Variants in TRPM2 observed in about 807,000 individuals in gnomAD.
TRPM2 encodes the protein transient receptor potential cation channel subfamily M member 2, also known as estrogen-responsive element-associated gene 1 protein.
Under a neutral mutation model 174.0 loss-of-function variants are expected in TRPM2, and 161 were observed. The observed-to-expected ratio is 0.93, with a 90% CI of 0.81 to 1.05. TRPM2 has a LOEUF of 1.05. Among genes scored for constraint, TRPM2 ranks in the 50% least tolerant of loss-of-function variants. The probability of loss-of-function intolerance (pLI) is 0.00; values close to 1 mark genes in which losing one functional copy is unlikely to be tolerated. For missense variants in TRPM2, 2,057 were observed against 2,038.0 expected (o/e 1.01, Z -0.18); for synonymous variants, 954 against 861.3 (o/e 1.11, Z -1.88).
intron 9 of TRPM2, among the ~76,000 whole-genome samples, chr21:44,387,613 C>A (rs534920001): frequency 1.3e-5 from 2 of 152,080 alleles, no homozygotes; most frequent in South Asian, 4.2e-4. Context: ...AAAAGGCAAC[C>A]CATGGAATGG....
intron 20 of TRPM2, among the ~76,000 whole-genome samples, chr21:44,414,345 C>G (rs2050207685): frequency 6.6e-6 from 1 of 152,250 alleles, no homozygotes; most frequent in African/African-American, 2.4e-5. Flanking sequence ...CACAAGGGCC[C>G]TGCTCACGGT....
At chr21:44,378,855 GA>G in intron 7 of TRPM2, 141 bp from the exon 8 acceptor site, 2 of 916,206 alleles carry the variant, frequency 2.2e-6, no homozygotes, top group South Asian at 3.3e-5. Flanking sequence ...GGGACGCCAC[GA>G]AACTAATAAG....
rs372711130 is a variant in TRPM2 at position 44,424,884 on chromosome 21, C to T, written c.3582C>T (p.Ile1194=). The change falls in exon 24 of 32, where the codon ATC becomes ATT. Residue 1194 remains isoleucine (I), a synonymous_variant. Coordinates refer to ENST00000397928, the MANE Select transcript of TRPM2 (RefSeq NM_003307.4). ...AGACAGCCCAAGCCCTGCACTGGAT[C>T]GTGAGGACGCTGCGGGCCAGCGGCT... The part of the protein sequence containing the change: ...VAQTAQALHW[I]VRTLRASGFS... 1.9e-5 allele frequency: 30 copies of T among 1,607,942 alleles called. No homozygotes were observed. The African/African-American group carries it at 2.1e-4, about 11-fold the overall frequency.
chr21:44,381,310 G>A (rs546984304), intron 8 of TRPM2, among the ~76,000 whole-genome samples: 27 of 152,072 alleles, frequency 1.8e-4, no homozygotes, highest in African/African-American at 6.0e-4. Flanking sequence ...GGAGTTGCTC[G>A]CCCTGGACAC....
At chr21:44,430,197 G>A (rs1317231673) in intron 27 of TRPM2, among the ~76,000 whole-genome samples, 1 of 152,126 alleles carries the variant, frequency 6.6e-6, no homozygotes, top group South Asian at 2.1e-4. Flanking sequence ...GTTCAAAAGT[G>A]GAATTTGCCT....
At chr21:44,364,395 G>A (rs750067407) in intron 3 of TRPM2, 113 bp downstream of exon 3, 33 of 1,306,624 alleles carry the variant, frequency 2.5e-5, no homozygotes, top group South Asian at 4.0e-5. Context: ...AAAGCTCCAG[G>A]GTGCATAGAG....
intron 12 of TRPM2, among the ~76,000 whole-genome samples, chr21:44,396,344 C>A (rs1391797041): frequency 2.7e-4 from 1 of 3,638 alleles, no homozygotes; most frequent in East Asian, 5.4e-3. Flanking sequence ...GTGTGGAGGG[C>A]TGTGGAGGGA....
rs535911813 is a variant in TRPM2 at position 44,367,386 on chromosome 21, A to G, written c.604+452A>G. ...GTTCCCAGTCATCAAGCTTTCCATT[A>G]TCGTGTTTTTCCATCAAAATCAGGG... is the stretch of plus-strand genomic sequence containing the variant. On this transcript the variant is annotated intron_variant, in intron 4 of 31. Transcript: ENST00000397928. The surrounding 1 kb of genome is among the most constrained non-coding windows in gnomAD (Gnocchi z 4.6). 2.8e-4 allele frequency among the ~76,000 whole-genome samples: 43 copies of G among 152,160 alleles called. No individual in the cohort carries two copies. Among genetic ancestry groups the G allele is most frequent in the Non-Finnish European group, 5.4e-4 (37 of 68,024 alleles).
chr21:44,417,745 GCT>G, intron 20 of TRPM2, among the ~76,000 whole-genome samples, 180 bp from the exon 21 acceptor site: 1 of 144,974 alleles, frequency 6.9e-6, no homozygotes, highest in African/African-American at 2.6e-5. Context: ...CGTGGGCGTG[GCT>G]CTGCTCTCTG....
At chr21:44,420,721 C>T (rs118108353) in intron 22 of TRPM2, among the ~76,000 whole-genome samples, 1,729 of 152,330 alleles carry the variant, frequency 0.011, 18 homozygotes, top group Middle Eastern at 0.055. Flanking sequence ...AAGGCGGCCT[C>T]CGCATGTCAG....
intron 22 of TRPM2, among the ~76,000 whole-genome samples, chr21:44,420,650 T>C (rs1601221180): frequency 6.6e-6 from 1 of 152,242 alleles, no homozygotes; most frequent in South Asian, 2.1e-4. Flanking sequence ...GTCTGGGACT[T>C]TGAGCAGTGG....
intron 2 of TRPM2, among the ~76,000 whole-genome samples, chr21:44,355,323 C>T (rs2048027680): frequency 2.6e-5 from 4 of 152,228 alleles, no homozygotes; most frequent in South Asian, 2.1e-4. Flanking sequence ...TGGTGCTCCC[C>T]GCAGTTGGCG....
rs560996789 is a variant in TRPM2, at chr21:44,366,482, G to A, written c.424-272G>A. ...AAATCGAGAGGAAGAGGAAAAAGTG[G>A]GTGCCGTGGGGGCACGAGGGCTGGG... On this transcript the variant is annotated intron_variant, in intron 3 of 31. Coordinates refer to ENST00000397928, the MANE Select transcript of TRPM2 (RefSeq NM_003307.4). The surrounding 1 kb of genome is among the most constrained non-coding windows in gnomAD (Gnocchi z 6.0). Among the ~76,000 whole-genome samples, 13 of 152,212 alleles carry A rather than the reference G, an allele frequency of 8.5e-5. No homozygotes were observed. The highest frequency in any genetic ancestry group is 3.1e-4 in the African/African-American group (13 of 41,544).
At chr21:44,374,557 C>T (rs111437318) in intron 5 of TRPM2, among the ~76,000 whole-genome samples, 9 of 152,262 alleles carry the variant, frequency 5.9e-5, no homozygotes, top group African/African-American at 1.7e-4. Flanking sequence ...TGCAGCTAGA[C>T]GGTCCCATCA....
rs200356130 is a variant in TRPM2 at position 44,405,883 on chromosome 21, T to C, written c.2658-22T>C. The C allele has an allele frequency of 4.4e-5, 70 of 1,596,574 alleles. No individual in the cohort carries two copies. The African/African-American group carries it at 5.3e-4, about 12-fold the overall frequency. On this transcript the variant is annotated intron_variant, in intron 17 of 31. Transcript: ENST00000397928. Reference sequence around the variant, plus strand: ...GCTGTGAGCAGGTGGCTGAGATGTGTGTGCTTCTGCCCGGCGGCCAGGCTC... The same window carrying C: ...GCTGTGAGCAGGTGGCTGAGATGTGCGTGCTTCTGCCCGGCGGCCAGGCTC...
At chr21:44,397,556 C>G (rs2049468131) in intron 12 of TRPM2, among the ~76,000 whole-genome samples, 191 bp from the exon 13 acceptor site, 1 of 151,964 alleles carries the variant, frequency 6.6e-6, no homozygotes, top group Non-Finnish European at 1.5e-5. Context: ...GAGCCTGGGC[C>G]ATCATCAGAG....
At chr21:44,403,500 A>C (rs765546702) in intron 16 of TRPM2, among the ~76,000 whole-genome samples, 4 of 151,838 alleles carry the variant, frequency 2.6e-5, no homozygotes, top group South Asian at 2.1e-4. Context: ...ATACAGGTAC[A>C]TGCACACACA....
At chr21:44,388,105 C>A (rs1172429876) in intron 9 of TRPM2, among the ~76,000 whole-genome samples, 5 of 152,204 alleles carry the variant, frequency 3.3e-5, no homozygotes, top group Non-Finnish European at 7.3e-5. Context: ...TGTGTATACT[C>A]ATGTTCATAG....
In TRPM2 at chr21:44,441,672, C is replaced by T. The variant is rs1415682804; in HGVS notation, c.4387-20C>T. On this transcript the variant is annotated intron_variant, in intron 31 of 31. Coordinates refer to ENST00000397928, the MANE Select transcript of TRPM2 (RefSeq NM_003307.4). Reference sequence around the variant, plus strand: ...AGGCAGGGCTGGCGGGGAGGGTCAGCTGTGCCCTTGTTCTTCCAGAACCTG... The same window carrying T: ...AGGCAGGGCTGGCGGGGAGGGTCAGTTGTGCCCTTGTTCTTCCAGAACCTG... 1 of 1,599,132 alleles carries T rather than the reference C, an allele frequency of 6.3e-7. No homozygotes were observed. Among genetic ancestry groups the T allele is most frequent in the African/African-American group, 1.3e-5 (1 of 74,844 alleles).
Sources: allele counts gnomAD v4.1 joint callset (sites outside exome capture counted in the v4.1 genomes callset), GRCh38; gene constraint gnomAD v4.1.1; non-coding constraint Gnocchi (gnomAD v3.1); transcripts MANE v1.5; gene names NCBI Gene and HGNC (gene_info 2026-07-23, HGNC 2026-07-21).